SPNS2: variants seen among roughly 807,000 people sequenced by gnomAD.
SPNS2 encodes the protein sphingosine-1-phosphate transporter SPNS2.
SPNS2 carries 37 observed loss-of-function variants against 57.6 expected under a neutral mutation model. The observed-to-expected ratio is 0.64, with a 90% CI of 0.49 to 0.85. The LOEUF is 0.85. Among genes scored for constraint, SPNS2 ranks in the 40% least tolerant of loss-of-function variants. The probability of loss-of-function intolerance (pLI) is 0.00; values close to 1 mark genes in which losing one functional copy is unlikely to be tolerated. For missense variants in SPNS2, 831 were observed against 779.1 expected, an observed-to-expected ratio of 1.07 and a Z score of -0.79; for synonymous variants, 440 against 346.9, an observed-to-expected ratio of 1.27 and a Z score of -2.98.
Position 4,525,172 on chromosome 17 carries a change from C to T in SPNS2, c.552C>T (p.Ser184=). Residue 184 remains serine (S), a synonymous_variant, in exon 3 of 13, where the codon TCC becomes TCT. Transcript: ENST00000329078. The part of the protein sequence containing the change: ...GIFFWSAVTF[S]SSFIPQQYFW... ...TCTTCTGGTCGGCCGTCACCTTCTC[C>T]AGCTCCTTCATTCCCCAGCAGGTGA... is the stretch of plus-strand genomic sequence containing the variant. 5.0e-6 allele frequency: 8 copies of T among 1,614,122 alleles called. No individual in the cohort carries two copies. The highest frequency in any genetic ancestry group is 6.8e-6 in the Non-Finnish European group (8 of 1,180,016).
chr17:4,538,192 T>A lies in SPNS2; in HGVS notation c.*744T>A, dbSNP rs1183668635. ...ACCACCTGTGCCCCCAGGCTCAAGG[T>A]CTCTGGCAGGTGCACACCAGCCCAA... On this transcript the variant is annotated 3_prime_UTR_variant, in exon 13 of 13. Coordinates refer to ENST00000329078, the MANE Select transcript of SPNS2 (RefSeq NM_001124758.3). The A allele has an allele frequency of 4.2e-6, 1 of 238,886 alleles. No homozygotes were observed. Among genetic ancestry groups the A allele is most frequent in the African/African-American group, 2.2e-5 (1 of 44,716 alleles). 14.8% of individuals were successfully genotyped at this position (238,886 alleles called of 1,614,324 possible).
At chr17:4,535,789 TTGGAGGTG>T (rs1346901412) in intron 9 of SPNS2, among the ~76,000 whole-genome samples, 1 of 151,304 alleles carries the variant, frequency 6.6e-6, no homozygotes, top group Non-Finnish European at 1.5e-5. Flanking sequence ...GTGGTCTGGG[TTGGAGGTG>T]TGGAAGCCCC....
At chr17:4,516,657 T>TTAGA (rs1330961114) in intron 2 of SPNS2, among the ~76,000 whole-genome samples, 1 of 152,068 alleles carries the variant, frequency 6.6e-6, no homozygotes, top group Non-Finnish European at 1.5e-5. Context: ...GAAGGATGAG[T>TTAGA]TAGAGTTTGT....
rs1906020139 is a variant in SPNS2 at position 4,538,653 on chromosome 17, G to GTGGCCAA, written c.*1209_*1215dup. 5 of 525,208 alleles carry GTGGCCAA rather than the reference G, an allele frequency of 9.5e-6. No individual in the cohort carries two copies. The highest frequency in any genetic ancestry group is 1.7e-5 in the Non-Finnish European group (5 of 293,800). 32.5% of individuals were successfully genotyped at this position (525,208 alleles called of 1,614,324 possible). ...GGGGTGGGGTGGGGGGTGAGGCCTT[G>GTGGCCAA]TGGCCAATGGGGGACCCCCCAAGAG... On this transcript the variant is annotated 3_prime_UTR_variant, in exon 13 of 13. Transcript: ENST00000329078.
At chr17:4,514,983 C>G (rs1430410422) in intron 2 of SPNS2, among the ~76,000 whole-genome samples, 1 of 152,204 alleles carries the variant, frequency 6.6e-6, no homozygotes, top group African/African-American at 2.4e-5. Context: ...GAGCAAGGCT[C>G]TACCCCACGC....
At position 4,525,181 on chromosome 17, in the gene SPNS2, C is replaced by T. The variant is rs1036289624; in HGVS notation, c.561C>T (p.Phe187=). The T allele has an allele frequency of 1.9e-6, 3 of 1,614,112 alleles. No individual in the cohort carries two copies. The highest frequency in any genetic ancestry group is 2.5e-6 in the Non-Finnish European group (3 of 1,180,018). ...FWSAVTFSSS[F]IPQQYFWLLV... ...CGGCCGTCACCTTCTCCAGCTCCTT[C>T]ATTCCCCAGCAGGTGAGGCCCGGCT... Residue 187 remains phenylalanine, a synonymous_variant, in exon 3 of 13, where the codon TTC becomes TTT. Transcript: ENST00000329078.
At chr17:4,519,216 A>T (rs1397557634) in intron 2 of SPNS2, among the ~76,000 whole-genome samples, 2 of 152,222 alleles carry the variant, frequency 1.3e-5, no homozygotes, top group East Asian at 3.9e-4. Context: ...GCAAGGGCTG[A>T]ATGCAGGCTC....
At position 4,538,837 on chromosome 17, in the gene SPNS2, ACCCCCACTCCAGCCTCAG is replaced by A; in HGVS notation, c.*1391_*1408del. On this transcript the variant is annotated 3_prime_UTR_variant, in exon 13 of 13. Coordinates refer to ENST00000329078, the MANE Select transcript of SPNS2 (RefSeq NM_001124758.3). Reference sequence around the variant, plus strand: ...TGGCATCCTCCAAAGACCAGCCTCCACCCCCACTCCAGCCTCAGCGGGGCCCCAGCGATGTTTTCTTGT... The same window carrying A: ...TGGCATCCTCCAAAGACCAGCCTCCACGGGGCCCCAGCGATGTTTTCTTGT... The A allele has an allele frequency of 1.3e-6, 1 of 777,434 alleles. No individual in the cohort carries two copies. Among genetic ancestry groups the A allele is most frequent in the Admixed American group, 1.7e-5 (1 of 58,580 alleles). The allele number at this position is 777,434 out of a possible 1,614,324, so 48.2% of individuals were successfully genotyped here.
In SPNS2 at chr17:4,525,110, C is replaced by T. The variant is rs201323210; in HGVS notation, c.490C>T (p.Arg164Cys). Residue 164 changes from arginine (R) to cysteine (C), a missense_variant, in exon 3 of 13, where the codon CGC (arginine) becomes TGC (cysteine). Arg to Cys is a radical substitution (Grantham distance 180, BLOSUM62 -3). Coordinates refer to ENST00000329078, the MANE Select transcript of SPNS2 (RefSeq NM_001124758.3). ...AAPIFGYLGD[R>C]FNRKVILSCG... ...CCCCATCTTCGGCTACCTGGGCGACCGCTTCAACAGGAAGGTGATTCTCAG... is the reference window on the plus strand; with the variant it reads ...CCCCATCTTCGGCTACCTGGGCGACTGCTTCAACAGGAAGGTGATTCTCAG... 1.6e-5 allele frequency: 26 copies of T among 1,614,208 alleles called. No homozygotes were observed. Among genetic ancestry groups the T allele is most frequent in the South Asian group, 4.4e-5 (4 of 91,088 alleles).
intron 1 of SPNS2, among the ~76,000 whole-genome samples, chr17:4,502,337 G>A (rs1042781735): frequency 3.3e-5 from 5 of 150,864 alleles, no homozygotes; most frequent in East Asian, 1.9e-4. Flanking sequence ...CCAAGATCGC[G>A]CCACTGTACT....
chr17:4,524,132 A>T (rs1472363649), intron 2 of SPNS2, among the ~76,000 whole-genome samples: 1 of 152,204 alleles, frequency 6.6e-6, no homozygotes, highest in African/African-American at 2.4e-5. Context: ...TTCCAGGCCC[A>T]GTTCTGCCTG....
At chr17:4,534,829 C>T (rs1277495088) in intron 9 of SPNS2, among the ~76,000 whole-genome samples, 1 of 152,088 alleles carries the variant, frequency 6.6e-6, no homozygotes, top group East Asian at 1.9e-4. Flanking sequence ...GGAGTCCGTG[C>T]AGATTAAGTG....
At chr17:4,523,597 G>T (rs1195087930) in intron 2 of SPNS2, among the ~76,000 whole-genome samples, 2 of 152,156 alleles carry the variant, frequency 1.3e-5, no homozygotes, top group African/African-American at 4.8e-5. Context: ...GTGAAACCCC[G>T]TCTCTACTAA....
Position 4,536,388 on chromosome 17 carries a change from G to C in SPNS2, c.1569G>C (p.Ala523=), listed in dbSNP as rs183074870. ...GCGGCATGTTCTTCCTCGCCACTGC[G>C]CTCTTCTTCGTCAGCGACCGCGCCA... is the stretch of plus-strand genomic sequence containing the variant. The part of the protein sequence containing the change: ...VLGGMFFLAT[A]LFFVSDRARA... The change falls in exon 11 of 13, where the codon GCG becomes GCC. Residue 523 remains alanine, a synonymous_variant. Coordinates refer to ENST00000329078, the MANE Select transcript of SPNS2 (RefSeq NM_001124758.3). 10,054 of 1,606,904 alleles carry C rather than the reference G, an allele frequency of 6.3e-3. 48 individuals are homozygous for C. The highest frequency in any genetic ancestry group is 8.9e-3 in the Middle Eastern group (54 of 6,056).
At position 4,506,251 on chromosome 17, in the gene SPNS2, C is replaced by T. The variant is rs115408026; in HGVS notation, c.370+6834C>T. Among the ~76,000 whole-genome samples the T allele has an allele frequency of 7.5e-3, 1,140 of 152,238 alleles. 20 individuals carry two copies. Among genetic ancestry groups the T allele is most frequent in the African/African-American group, 0.026 (1,084 of 41,546 alleles). ...GGCCGCCTTGGCTACTGAAGTAGCACGTGGGGAGAAGGCTGAGGGTTTGTG... is the reference window on the plus strand; with the variant it reads ...GGCCGCCTTGGCTACTGAAGTAGCATGTGGGGAGAAGGCTGAGGGTTTGTG... On this transcript the variant is annotated intron_variant, in intron 1 of 12. Transcript: ENST00000329078.
intron 6 of SPNS2, 59 bp from the exon 7 acceptor site, chr17:4,532,918 C>T: frequency 1.9e-6 from 3 of 1,563,770 alleles, no homozygotes; most frequent in Middle Eastern, 2.0e-4. Flanking sequence ...GTGCATGGGG[C>T]TGCCTAGGGG....
At chr17:4,517,136 T>C (rs1311223661) in intron 2 of SPNS2, among the ~76,000 whole-genome samples, 1 of 152,190 alleles carries the variant, frequency 6.6e-6, no homozygotes, top group Non-Finnish European at 1.5e-5. Flanking sequence ...GTAGTTTTTC[T>C]GGTAGAGTTC....
rs1017441743 is a variant in SPNS2, at chr17:4,536,937, G to A, written c.1645G>A (p.Val549Ile). ...QLAMPPASVK[V>I] ...GGCGATGCCGCCCGCATCTGTGAAA[G>A]TCTGAGGTGGTGAGTGCAGGCCGGG... Residue 549 changes from valine (V) to isoleucine (I), a missense_variant, in exon 12 of 13, where the codon GTC (valine) becomes ATC (isoleucine). By Grantham distance (29) the Val-to-Ile change is conservative (BLOSUM62 3). Coordinates refer to ENST00000329078, the MANE Select transcript of SPNS2 (RefSeq NM_001124758.3). The A allele has an allele frequency of 6.2e-7, 1 of 1,613,808 alleles. No individual in the cohort carries two copies. Among genetic ancestry groups the A allele is most frequent in the Non-Finnish European group, 8.5e-7 (1 of 1,179,862 alleles).
chr17:4,538,053 C>T lies in SPNS2; in HGVS notation c.*605C>T, dbSNP rs1177891078. The T allele has an allele frequency of 1.1e-5, 4 of 348,120 alleles. No homozygotes were observed. The highest frequency in any genetic ancestry group is 2.2e-5 in the South Asian group (1 of 45,710). The allele number at this position is 348,120 out of a possible 1,614,324, so 21.6% of individuals were successfully genotyped here. On this transcript the variant is annotated 3_prime_UTR_variant, in exon 13 of 13. Transcript: ENST00000329078. ...TGGGCGCCCAAGTCTCTGGGTACTC[C>T]CTGGAGGACACTGTCTCACTGTCTC...
Sources: gnomAD v4.1 joint callset for allele counts (sites outside exome capture counted in the v4.1 genomes callset) on GRCh38, gnomAD v4.1.1 for gene constraint, MANE v1.5 for transcripts, NCBI Gene and HGNC (gene_info 2026-07-23, HGNC 2026-07-21) for gene names.